Variants in MED17 observed in about 807,000 individuals in gnomAD.
MED17 encodes the protein mediator complex subunit 17.
A neutral mutation model predicts 80.8 loss-of-function variants in MED17; 49 were observed. That is an observed-to-expected ratio of 0.61 (90% CI 0.48 to 0.77). The LOEUF is 0.77. MED17 is among the 30% of genes least tolerant of loss of function. The probability of loss-of-function intolerance (pLI) is 0.00; values close to 1 mark genes in which losing one functional copy is unlikely to be tolerated. For missense variants in MED17, 718 were observed against 787.0 expected, an observed-to-expected ratio of 0.91 and a Z score of 1.05; for synonymous variants, 281 against 280.4, an observed-to-expected ratio of 1.00 and a Z score of -0.02.
chr11:93,795,590 A>G (rs1052973402), intron 6 of MED17: 4 of 154,074 alleles, frequency 2.6e-5, no homozygotes, highest in African/African-American at 7.2e-5. Flanking sequence ...TACTCGTAAT[A>G]GTCTCAAATT....
At chr11:93,794,372 T>G (rs1943878379) in intron 5 of MED17, 2 of 284,468 alleles carry the variant, frequency 7.0e-6, no homozygotes, top group Non-Finnish European at 1.3e-5. Flanking sequence ...TCCTGGCTAA[T>G]TTTGTATTTT....
intron 9 of MED17, among the ~76,000 whole-genome samples, chr11:93,802,993 C>A (rs1255305527): frequency 1.3e-5 from 2 of 152,130 alleles, no homozygotes; most frequent in Non-Finnish European, 2.9e-5. Flanking sequence ...GTGTTAGTTG[C>A]TTTATTTCCT....
rs1166820708 is a variant in MED17, at chr11:93,803,999, GTATA to G, written c.1466+2052_1466+2055del. On this transcript the variant is annotated intron_variant, in intron 9 of 11. Coordinates refer to ENST00000251871, the MANE Select transcript of MED17 (RefSeq NM_004268.5). ...TGTGTGTGTGTGTATATATGTGTGTGTATATATATATATATATATATATATATAC... is the reference window on the plus strand; with the variant it reads ...TGTGTGTGTGTGTATATATGTGTGTGTATATATATATATATATATATATAC... 2.3e-3 allele frequency among the ~76,000 whole-genome samples: 63 copies of G among 27,156 alleles called. 1 individual carries two copies. The highest frequency in any genetic ancestry group is 0.016 in the South Asian group (10 of 642). The allele number at this position is 27,156 out of a possible 152,430, so 17.8% of individuals were successfully genotyped here.
At chr11:93,797,386 A>G in intron 7 of MED17, 149 bp from the exon 8 acceptor site, 1 of 725,562 alleles carries the variant, frequency 1.4e-6, no homozygotes, top group Non-Finnish European at 2.4e-6. Flanking sequence ...GTGACCTAGT[A>G]GTTGCTAGCA....
chr11:93,801,286 T>TA (rs1316606022), intron 8 of MED17: 1 of 155,724 alleles, frequency 6.4e-6, no homozygotes, highest in Non-Finnish European at 1.4e-5. Context: ...GCATGCTGTA[T>TA]AATGAACACT....
rs1169974258 is a variant in MED17 at position 93,813,087 on chromosome 11, G to A, written c.*1023G>A. 4 of 152,162 alleles carry A rather than the reference G, an allele frequency of 2.6e-5. No individual in the cohort carries two copies. Among genetic ancestry groups the A allele is most frequent in the Admixed American group, 2.6e-4 (4 of 15,278 alleles). 9.4% of individuals were successfully genotyped at this position (152,162 alleles called of 1,614,324 possible). ...GTGGGTTATCTTTTCCAAGGAACAG[G>A]TTTGCACTTCTTGGAAAAAGTGCCT... On this transcript the variant is annotated 3_prime_UTR_variant, in exon 12 of 12. Transcript: ENST00000251871.
Position 93,812,011 on chromosome 11 carries a change from T to C in MED17, c.1903T>C (p.Phe635Leu), listed in dbSNP as rs200962434. The C allele has an allele frequency of 1.9e-6, 3 of 1,614,068 alleles. No individual in the cohort carries two copies. Among genetic ancestry groups the C allele is most frequent in the Non-Finnish European group, 2.5e-6 (3 of 1,179,994 alleles). Residue 635 changes from phenylalanine to leucine, a missense_variant, in exon 12 of 12, where the codon TTT becomes CTT. By Grantham distance (22) the Phe-to-Leu change is conservative (BLOSUM62 0). Coordinates refer to ENST00000251871, the MANE Select transcript of MED17 (RefSeq NM_004268.5). ...GTGGAATAAAATGGAAGGTCGAAAT[T>C]TTGTTTATAAAATGGAGCTGCTTAT... ...VQWNKMEGRNFVYKMELLMSA... is the reference protein window; with the variant it reads ...VQWNKMEGRNLVYKMELLMSA...
intron 8 of MED17, among the ~76,000 whole-genome samples, chr11:93,799,954 CAA>C (rs1311935134): frequency 6.7e-6 from 1 of 149,996 alleles, no homozygotes; most frequent in Non-Finnish European, 1.5e-5. Flanking sequence ...CCAAAACAAA[CAA>C]ATTTTTTACC....
At chr11:93,797,772 T>A in intron 8 of MED17, 53 bp downstream of exon 8, 1 of 1,492,556 alleles carries the variant, frequency 6.7e-7, no homozygotes, top group Non-Finnish European at 9.3e-7. Context: ...ATTGCAGTGT[T>A]TTCTTCTGTT....
At chr11:93,807,786 C>A in intron 10 of MED17, 151 bp downstream of exon 10, 1 of 692,694 alleles carries the variant, frequency 1.4e-6, no homozygotes, top group South Asian at 1.5e-5. Context: ...ATTTCTAATG[C>A]ACATTTTACA....
At chr11:93,799,539 C>T (rs1157385124) in intron 8 of MED17, among the ~76,000 whole-genome samples, 2 of 152,098 alleles carry the variant, frequency 1.3e-5, no homozygotes, top group South Asian at 4.1e-4. Flanking sequence ...AAACTCAGCA[C>T]TCAGGGAGGC....
rs1333270158 is a variant in MED17 at position 93,807,561 on chromosome 11, G to A, written c.1510G>A (p.Val504Ile). 3.7e-6 allele frequency: 6 copies of A among 1,613,418 alleles called. No homozygotes were observed. ...QLNIGVEQIR[V>I]VHRDGRVITL... Reference sequence around the variant, plus strand: ...GAATATTGGAGTTGAGCAGATTCGAGTTGTACATAGAGATGGAAGAGTAAT... The same window carrying A: ...GAATATTGGAGTTGAGCAGATTCGAATTGTACATAGAGATGGAAGAGTAAT... Residue 504 changes from valine to isoleucine, a missense_variant, in exon 10 of 12, where the codon GTT becomes ATT. Transcript: ENST00000251871.
At chr11:93,786,317 C>T (rs1262902915) in intron 1 of MED17, among the ~76,000 whole-genome samples, 2 of 152,066 alleles carry the variant, frequency 1.3e-5, no homozygotes, top group Non-Finnish European at 1.5e-5. Flanking sequence ...GAAATTAAAA[C>T]ATGATTAAGA....
At chr11:93,794,334 A>G in intron 5 of MED17, 1 of 316,064 alleles carries the variant, frequency 3.2e-6, no homozygotes. Flanking sequence ...CCTCCCGAGT[A>G]GCTGGGATTA....
intron 11 of MED17, chr11:93,811,012 C>T (rs570587456): frequency 6.6e-6 from 1 of 152,410 alleles, no homozygotes; most frequent in South Asian, 2.1e-4. Flanking sequence ...ACCTGTACAG[C>T]ATGTTACTGT....
chr11:93,790,214 A>C (rs979307297), intron 2 of MED17: 3 of 363,514 alleles, frequency 8.3e-6, no homozygotes, highest in African/African-American at 6.4e-5. Flanking sequence ...CAGAAGTATA[A>C]TGAGTGCCAA....
intron 10 of MED17, chr11:93,809,246 G>A (rs1180533668): frequency 7.4e-6 from 2 of 271,064 alleles, no homozygotes; most frequent in Non-Finnish European, 1.4e-5. Flanking sequence ...CTCACAGGGA[G>A]GGTGCCAGGG....
intron 3 of MED17, 52 bp from the exon 4 acceptor site, chr11:93,793,676 C>A: frequency 1.5e-6 from 2 of 1,294,742 alleles, no homozygotes; most frequent in South Asian, 1.2e-5. Context: ...TAATGTGTGT[C>A]GGAATAATAT....
intron 9 of MED17, chr11:93,806,179 G>A (rs1944023577): frequency 6.6e-6 from 1 of 151,934 alleles, no homozygotes. Context: ...TCACCATGTT[G>A]GCCAGGATAG....
Sources: allele counts gnomAD v4.1 joint callset (sites outside exome capture counted in the v4.1 genomes callset), GRCh38; gene constraint gnomAD v4.1.1; transcripts MANE v1.5; gene names NCBI Gene and HGNC (gene_info 2026-07-23, HGNC 2026-07-21).